KLC1: variants seen among roughly 807,000 people sequenced by gnomAD.
The protein encoded by KLC1 is kinesin 2 60/70kDa.
A neutral mutation model predicts 84.2 loss-of-function variants in KLC1; 30 were observed. The ratio of observed to expected loss-of-function variants is 0.36; its 90% CI spans 0.27 to 0.48. The LOEUF is 0.48. Ranked by LOEUF, KLC1 falls within the 20% of genes least tolerant of loss-of-function variation. KLC1 has a pLI of 0.99. For synonymous variants in KLC1, 289 were observed against 293.3 expected (o/e 0.99, Z 0.15); for missense variants, 499 against 805.4 (o/e 0.62, Z 4.60).
Position 103,643,880 on chromosome 14 carries a change from G to T in KLC1, c.-1-10684G>T, listed in dbSNP as rs149383497. ...AAGGTGGAGGTTGCCTGGCCCGAAGGCATTTGTTTAATTTCCTTTTGCTTC... is the reference window on the plus strand; with the variant it reads ...AAGGTGGAGGTTGCCTGGCCCGAAGTCATTTGTTTAATTTCCTTTTGCTTC... On this transcript the variant is annotated intron_variant, in intron 1 of 16. Transcript: ENST00000334553. Among the ~76,000 whole-genome samples the T allele has an allele frequency of 3.8e-3, 572 of 151,484 alleles. 4 individuals are homozygous for T. Among genetic ancestry groups the T allele is most frequent in the African/African-American group, 0.013 (547 of 41,270 alleles).
At chr14:103,673,524 C>T (rs986951256) in intron 9 of KLC1, 93 bp downstream of exon 9, 1 of 779,646 alleles carries the variant, frequency 1.3e-6, no homozygotes, top group Non-Finnish European at 2.0e-6. Flanking sequence ...GTTTATTAAG[C>T]ACTTAACTTT....
intron 13 of KLC1, among the ~76,000 whole-genome samples, chr14:103,684,463 G>T (rs921157028): frequency 6.6e-6 from 1 of 152,222 alleles, no homozygotes; most frequent in African/African-American, 2.4e-5. Flanking sequence ...GCAGCCGCCG[G>T]CCTTCCCCCT....
At chr14:103,692,505 T>TGCTCG (rs1290889654) in intron 15 of KLC1, 80 bp downstream of exon 15, 4 of 1,243,078 alleles carry the variant, frequency 3.2e-6, no homozygotes, top group Non-Finnish European at 4.5e-6. Flanking sequence ...ACTCGGCCCC[T>TGCTCG]GCTCGGCCCC....
chr14:103,695,708 C>T (rs1395942384), intron 15 of KLC1: 18 of 985,306 alleles, frequency 1.8e-5, no homozygotes, highest in Non-Finnish European at 2.0e-5. Flanking sequence ...TGTGGGGCCT[C>T]TGTGGAGCCT....
chr14:103,650,150 C>G (rs1025602720), intron 1 of KLC1, among the ~76,000 whole-genome samples: 1 of 151,312 alleles, frequency 6.6e-6, no homozygotes, highest in Non-Finnish European at 1.5e-5. Context: ...AAAAAAAGTT[C>G]ATAGTTAGAA....
intron 7 of KLC1, among the ~76,000 whole-genome samples, chr14:103,671,157 G>C (rs1270587346): frequency 6.6e-6 from 1 of 152,034 alleles, no homozygotes; most frequent in Non-Finnish European, 1.5e-5. Context: ...TTATGAAGCT[G>C]AAAAATGAAA....
chr14:103,685,186 A>T, intron 13 of KLC1: 2 of 1,440,034 alleles, frequency 1.4e-6, no homozygotes, highest in Non-Finnish European at 1.8e-6. Context: ...AATGGGCTGT[A>T]GACTTTTAAA....
intron 3 of KLC1, 23 bp downstream of exon 3, chr14:103,657,799 T>A (rs1342713852): frequency 6.5e-7 from 1 of 1,540,300 alleles, no homozygotes; most frequent in Non-Finnish European, 8.9e-7. Context: ...GTAGCAAATG[T>A]GGTGCTAATG....
intron 1 of KLC1, among the ~76,000 whole-genome samples, chr14:103,629,992 C>G (rs1175775262): frequency 2.6e-5 from 4 of 152,188 alleles, no homozygotes; most frequent in South Asian, 2.1e-4. Context: ...CCTTCCACCC[C>G]CGCCTCTCCC....
intron 1 of KLC1, among the ~76,000 whole-genome samples, chr14:103,641,636 G>A (rs1212409295): frequency 6.6e-6 from 1 of 151,916 alleles, no homozygotes; most frequent in East Asian, 1.9e-4. Flanking sequence ...TGTCTCTGTT[G>A]CCCAAGCTGG....
chr14:103,643,353 T>C (rs2077638083), intron 1 of KLC1, among the ~76,000 whole-genome samples: 1 of 152,112 alleles, frequency 6.6e-6, no homozygotes, highest in African/African-American at 2.4e-5. Context: ...GTGGTGATAA[T>C]CTTACAGTGG....
chr14:103,636,143 A>G (rs571344634), intron 1 of KLC1, among the ~76,000 whole-genome samples: 1 of 152,046 alleles, frequency 6.6e-6, no homozygotes, highest in South Asian at 2.1e-4. Flanking sequence ...CCAAATACTG[A>G]TATCTCCTCC....
chr14:103,646,218 C>T (rs2077911766), intron 1 of KLC1, among the ~76,000 whole-genome samples: 1 of 152,218 alleles, frequency 6.6e-6, no homozygotes, highest in Non-Finnish European at 1.5e-5. Flanking sequence ...CCAAGGCCTT[C>T]TCTTTTAGTC....
intron 9 of KLC1, 139 bp downstream of exon 9, chr14:103,673,570 TTCACTTCACTTTCACAGCA>T (rs1195979318): frequency 3.3e-5 from 19 of 583,958 alleles, no homozygotes. Flanking sequence ...AATGTGTGAT[TTCACTTCACTTTCACAGCA>T]GTCTTGTGCA....
chr14:103,695,901 G>C lies in KLC1; in HGVS notation c.1848+3476G>C, dbSNP rs984218154. 5.0e-5 allele frequency: 49 copies of C among 985,284 alleles called. No homozygotes were observed. In the African/African-American group the frequency reaches 7.9e-4, roughly 16 times the overall value. The allele number at this position is 985,284 out of a possible 1,614,324, so 61.0% of individuals were successfully genotyped here. A position where few individuals can be genotyped will look rare whatever the true frequency, so the allele number is the denominator to read the frequency against. On this transcript the variant is annotated intron_variant, in intron 15 of 16. Coordinates refer to ENST00000334553, the MANE Select transcript of KLC1 (RefSeq NM_001394837.1). ...CTGAGTACCTGAGTCCCCGATGTTT[G>C]AACCCTTCCACCCAATAGAAGTGCG...
At chr14:103,648,343 A>G (rs1352987498) in intron 1 of KLC1, among the ~76,000 whole-genome samples, 5 of 152,168 alleles carry the variant, frequency 3.3e-5, no homozygotes, top group Admixed American at 6.5e-5. Context: ...ATTTATTTTG[A>G]TTTATTTTTT....
At chr14:103,684,721 C>T (rs961797979) in intron 13 of KLC1, 7 of 434,838 alleles carry the variant, frequency 1.6e-5, no homozygotes, top group African/African-American at 4.0e-5. Context: ...CGTGTGTGCA[C>T]GCGTGTGTGT....
At chr14:103,689,444 A>G (rs2081965068) in intron 14 of KLC1, among the ~76,000 whole-genome samples, 1 of 152,220 alleles carries the variant, frequency 6.6e-6, no homozygotes, top group African/African-American at 2.4e-5. Context: ...TGCACGGACT[A>G]ACGTTTTCTA....
intron 1 of KLC1, among the ~76,000 whole-genome samples, chr14:103,637,907 TC>T (rs1165628025): frequency 6.6e-6 from 1 of 152,090 alleles, no homozygotes; most frequent in Admixed American, 6.6e-5. Context: ...CCCTGGCTAG[TC>T]TTTAACTTCT....
Sources: allele counts gnomAD v4.1 joint callset (sites outside exome capture counted in the v4.1 genomes callset), GRCh38; gene constraint gnomAD v4.1.1; transcripts MANE v1.5; gene names NCBI Gene and HGNC (gene_info 2026-07-23, HGNC 2026-07-21).